The following BCL9 variants were observed in gnomAD, a reference collection of about 807,000 sequenced individuals.
BCL9 encodes BCL9 transcription coactivator.
In BCL9, 25 loss-of-function variants were observed where a neutral mutation model predicts 88.5. The ratio of observed to expected loss-of-function variants is 0.28; its 90% CI spans 0.21 to 0.39. The LOEUF is 0.39. BCL9 is among the 10% of genes least tolerant of loss of function. The probability of loss-of-function intolerance (pLI) is 1.00; values close to 1 mark genes in which losing one functional copy is unlikely to be tolerated. For synonymous variants in BCL9, 711 were observed against 673.3 expected (o/e 1.06, Z -0.87); for missense variants, 1,817 against 1,877.8 (o/e 0.97, Z 0.60).
At chr1:147,604,032 A>G (rs1553201644) in intron 1 of BCL9, among the ~76,000 whole-genome samples, 1 of 152,196 alleles carries the variant, frequency 6.6e-6, no homozygotes, top group East Asian at 1.9e-4. Flanking sequence ...GTAATTTTTG[A>G]AGTAGTGTAT....
In BCL9 at chr1:147,620,233, T is replaced by G; in HGVS notation, c.2078T>G (p.Phe693Cys). The stretch of plus-strand genomic sequence containing the variant: ...CCTCTGAGTCCTTCTAGGGGTGACT[T>G]TCCAAAAGGAATTCCCCCACAGATG... ...EGPLSPSRGD[F>C]PKGIPPQMGP... Residue 693 changes from phenylalanine (F) to cysteine (C), a missense_variant, in exon 8 of 10, where the codon TTT (phenylalanine) becomes TGT (cysteine). Transcript: ENST00000234739. The G allele has an allele frequency of 1.2e-6, 2 of 1,614,122 alleles. No individual in the cohort carries two copies. Among genetic ancestry groups the G allele is most frequent in the Non-Finnish European group, 1.7e-6 (2 of 1,180,012 alleles).
intron 1 of BCL9, among the ~76,000 whole-genome samples, chr1:147,601,079 G>A (rs1230459085): frequency 6.6e-6 from 1 of 152,164 alleles, no homozygotes; most frequent in Non-Finnish European, 1.5e-5. Context: ...TAATAGTATT[G>A]CTGGGGGCCT....
intron 1 of BCL9, among the ~76,000 whole-genome samples, chr1:147,547,578 C>A (rs1654662650): frequency 6.6e-6 from 1 of 152,188 alleles, no homozygotes; most frequent in African/African-American, 2.4e-5. Flanking sequence ...GATATAATTA[C>A]TTTCTAGCTG....
intron 1 of BCL9, chr1:147,600,315 C>G (rs587740764): frequency 1.3e-5 from 2 of 152,986 alleles, no homozygotes; most frequent in African/African-American, 2.4e-5. Flanking sequence ...CCTCCTCTCC[C>G]CTCCCCCACT....
At chr1:147,589,384 A>G (rs1656752843) in intron 1 of BCL9, among the ~76,000 whole-genome samples, 1 of 152,216 alleles carries the variant, frequency 6.6e-6, no homozygotes, top group South Asian at 2.1e-4. Context: ...TTTTAAGTGT[A>G]TGATCTATTG....
chr1:147,602,502 G>A (rs376097092), intron 1 of BCL9, among the ~76,000 whole-genome samples: 18 of 152,140 alleles, frequency 1.2e-4, no homozygotes, highest in South Asian at 8.3e-4. Flanking sequence ...GAGCCACTGC[G>A]CATGGCCTAG....
chr1:147,601,919 G>C (rs782784330), intron 1 of BCL9, among the ~76,000 whole-genome samples: 29 of 152,232 alleles, frequency 1.9e-4, no homozygotes, highest in Middle Eastern at 3.4e-3. Context: ...TTTATTTTTT[G>C]AGACGGAGTC....
chr1:147,569,467 A>C, intron 1 of BCL9, among the ~76,000 whole-genome samples: 1 of 3,026 alleles, frequency 3.3e-4, no homozygotes, highest in South Asian at 0.031. Flanking sequence ...TGTCTCTACT[A>C]AAATACAAAA....
intron 6 of BCL9, among the ~76,000 whole-genome samples, 192 bp downstream of exon 6, chr1:147,614,808 T>C (rs1658189660): frequency 6.6e-6 from 1 of 151,856 alleles, no homozygotes; most frequent in Non-Finnish European, 1.5e-5. Context: ...CAGAAATTTT[T>C]CGTGCTTGTA....
chr1:147,545,186 A>T (rs781840859), intron 1 of BCL9, among the ~76,000 whole-genome samples: 1 of 152,204 alleles, frequency 6.6e-6, no homozygotes, highest in Non-Finnish European at 1.5e-5. Context: ...TTACACAGGG[A>T]TGTGCCCAGC....
chr1:147,569,084 A>C (rs894923586), intron 1 of BCL9, among the ~76,000 whole-genome samples: 7 of 151,834 alleles, frequency 4.6e-5, no homozygotes, highest in Non-Finnish European at 1.0e-4. Flanking sequence ...TGGTGGAAGC[A>C]GGTGAAGGAG....
intron 1 of BCL9, among the ~76,000 whole-genome samples, chr1:147,562,331 A>AAAATAAATAAAT (rs112623935): frequency 2.6e-5 from 4 of 152,010 alleles, no homozygotes; most frequent in African/African-American, 9.7e-5. Context: ...TTCCATCTCA[A>AAAATAAATAAAT]AAATAAATAA....
At chr1:147,587,793 T>G (rs1161410722) in intron 1 of BCL9, among the ~76,000 whole-genome samples, 1 of 145,846 alleles carries the variant, frequency 6.9e-6, no homozygotes, top group Non-Finnish European at 1.5e-5. Flanking sequence ...TGTGTGTGTG[T>G]GTGGTGTTTG....
In BCL9 at chr1:147,613,309, A is replaced by G. The variant is rs1384488956; in HGVS notation, c.370+110A>G. The G allele has an allele frequency of 2.8e-6, 3 of 1,074,878 alleles. 1 individual carries two copies. The South Asian group carries it at 4.3e-5, about 15-fold the overall frequency. The allele number at this position is 1,074,878 out of a possible 1,614,324, so 66.6% of individuals were successfully genotyped here. ...CTAATATCAGACAAGTGGGGAGAGTAGGTATCAGATTCATGAGTTCTCACA... is the reference window on the plus strand; with the variant it reads ...CTAATATCAGACAAGTGGGGAGAGTGGGTATCAGATTCATGAGTTCTCACA... On this transcript the variant is annotated intron_variant, in intron 5 of 9. Coordinates refer to ENST00000234739, the MANE Select transcript of BCL9 (RefSeq NM_004326.4).
intron 4 of BCL9, among the ~76,000 whole-genome samples, chr1:147,612,355 G>T (rs1490113537): frequency 6.6e-6 from 1 of 152,178 alleles, no homozygotes; most frequent in Non-Finnish European, 1.5e-5. Flanking sequence ...GCAGTGGTTG[G>T]TTTATCTGCT....
chr1:147,565,357 G>A (rs113091349), intron 1 of BCL9, among the ~76,000 whole-genome samples: 3 of 152,286 alleles, frequency 2.0e-5, no homozygotes, highest in African/African-American at 7.2e-5. Flanking sequence ...ATGAGTAATA[G>A]AGGAGGCTTA....
At chr1:147,546,639 A>C (rs1021597505) in intron 1 of BCL9, among the ~76,000 whole-genome samples, 42 of 152,330 alleles carry the variant, frequency 2.8e-4, no homozygotes, top group African/African-American at 1.0e-3. Context: ...ATACTTCATG[A>C]ATCTGGTCTT....
At chr1:147,575,086 T>C (rs1445693725) in intron 1 of BCL9, among the ~76,000 whole-genome samples, 2 of 152,242 alleles carry the variant, frequency 1.3e-5, no homozygotes, top group Non-Finnish European at 2.9e-5. Context: ...GCATTTACTA[T>C]GTGCTGGATG....
At chr1:147,601,395 G>C (rs1657380971) in intron 1 of BCL9, among the ~76,000 whole-genome samples, 1 of 152,176 alleles carries the variant, frequency 6.6e-6, no homozygotes, top group Non-Finnish European at 1.5e-5. Flanking sequence ...GTTACATTTT[G>C]GTCAATGATG....
Sources: gnomAD v4.1 joint callset for allele counts (sites outside exome capture counted in the v4.1 genomes callset) on GRCh38, gnomAD v4.1.1 for gene constraint, MANE v1.5 for transcripts, NCBI Gene and HGNC (gene_info 2026-07-23, HGNC 2026-07-21) for gene names.